GLI2: variants seen among roughly 807,000 people sequenced by gnomAD.
GLI2 encodes the protein GLI family zinc finger 2.
Under a neutral mutation model 78.9 loss-of-function variants are expected in GLI2, and 22 were observed. The observed-to-expected ratio is 0.28, with a 90% CI of 0.20 to 0.40. The LOEUF (loss-of-function observed/expected upper bound fraction) is 0.40. Among genes scored for constraint, GLI2 ranks in the 10% least tolerant of loss-of-function variants. The pLI is 1.00. For synonymous variants in GLI2, 974 were observed against 963.7 expected (o/e 1.01, Z -0.20); for missense variants, 2,097 against 2,213.2 (o/e 0.95, Z 1.05).
intron 7 of GLI2, among the ~76,000 whole-genome samples, chr2:120,970,950 G>A (rs1434370394): frequency 6.6e-6 from 1 of 152,226 alleles, no homozygotes; most frequent in Non-Finnish European, 1.5e-5. Flanking sequence ...TTTCGTTGTA[G>A]AATGTGCATT....
At position 120,991,194 on chromosome 2, in the gene GLI2, C is replaced by A. The variant is rs763178121; in HGVS notation, c.*519C>A. 6.4e-6 allele frequency: 1 copy of A among 156,578 alleles called. No individual in the cohort carries two copies. Among genetic ancestry groups the A allele is most frequent in the African/African-American group, 2.4e-5 (1 of 41,450 alleles). The allele number at this position is 156,578 out of a possible 1,614,324, so 9.7% of individuals were successfully genotyped here. On this transcript the variant is annotated 3_prime_UTR_variant, in exon 14 of 14. Coordinates refer to ENST00000361492, the MANE Select transcript of GLI2 (RefSeq NM_001374353.1). Reference sequence around the variant, plus strand: ...CTAACTCTTGAGGTCTCTAACATACCTTGTCATAGAGGAAAAGCACAGATT... The same window carrying A: ...CTAACTCTTGAGGTCTCTAACATACATTGTCATAGAGGAAAAGCACAGATT...
In GLI2 at chr2:120,990,291, C is replaced by A. The variant is rs1297580908; in HGVS notation, c.4326C>A (p.Gly1442=). The A allele has an allele frequency of 6.2e-7, 1 of 1,613,724 alleles. No individual in the cohort carries two copies. Among genetic ancestry groups the A allele is most frequent in the Non-Finnish European group, 8.5e-7 (1 of 1,180,030 alleles). ...GQIHMYEQDG[G]LENLGSCQVM... The stretch of plus-strand genomic sequence containing the variant: ...TCCACATGTACGAACAGGATGGAGG[C>A]CTGGAGAACCTCGGGAGCTGCCAGG... Residue 1442 remains glycine, a synonymous_variant, in exon 14 of 14, where the codon GGC becomes GGA. Transcript: ENST00000361492.
At chr2:120,765,986 C>T (rs554486508) in intron 1 of GLI2, among the ~76,000 whole-genome samples, 8 of 152,296 alleles carry the variant, frequency 5.3e-5, no homozygotes, top group East Asian at 1.9e-4. Flanking sequence ...ACAGTGATAA[C>T]GCCTGTTTTC....
chr2:120,956,266 G>C (rs1194747048), intron 5 of GLI2, among the ~76,000 whole-genome samples: 1 of 152,094 alleles, frequency 6.6e-6, no homozygotes. Context: ...TCAGGGTCTC[G>C]GGCCTGAGCA....
Position 120,863,083 on chromosome 2 carries a change from C to T in GLI2, c.149-64278C>T, listed in dbSNP as rs550484064. 7.2e-5 allele frequency among the ~76,000 whole-genome samples: 11 copies of T among 152,346 alleles called. No homozygotes were observed. In the South Asian group the frequency reaches 1.9e-3, roughly 26 times the overall value. On this transcript the variant is annotated intron_variant, in intron 2 of 13. Coordinates refer to ENST00000361492, the MANE Select transcript of GLI2 (RefSeq NM_001374353.1). The stretch of plus-strand genomic sequence containing the variant: ...CCAGAGCGCCTGGAAGGGGCTATTG[C>T]TGTGGTTGAGCCATTGGAGGACTTG...
Position 120,990,229 on chromosome 2 carries a change from G to A in GLI2, c.4264G>A (p.Ala1422Thr), listed in dbSNP as rs560714886. Residue 1422 changes from alanine (A) to threonine (T), a missense_variant, in exon 14 of 14, where the codon GCC becomes ACC. Transcript: ENST00000361492. ...GCCGCCTCCGCAGGACGCAGGTGGG[G>A]CCCCGGACCACAGCATGCTCTACTA... ...PQPPPQDAGG[A>T]PDHSMLYYYG... The A allele has an allele frequency of 6.2e-7, 1 of 1,613,614 alleles. No individual in the cohort carries two copies. Among genetic ancestry groups the A allele is most frequent in the South Asian group, 1.1e-5 (1 of 91,090 alleles).
In GLI2 at chr2:120,908,455, C is replaced by T. The variant is rs1678653137; in HGVS notation, c.149-18906C>T. ...CTCTTCTGAGCACTGGATCTGCTTC[C>T]CGTGCAGACTCATGCTCTAGAGTCA... On this transcript the variant is annotated intron_variant, in intron 2 of 13. Coordinates refer to ENST00000361492, the MANE Select transcript of GLI2 (RefSeq NM_001374353.1). 2.0e-5 allele frequency among the ~76,000 whole-genome samples: 3 copies of T among 152,330 alleles called. No individual in the cohort carries two copies. In the South Asian group the frequency reaches 6.2e-4, roughly 32 times the overall value.
intron 2 of GLI2, among the ~76,000 whole-genome samples, chr2:120,810,833 G>C (rs1487489734): frequency 1.3e-5 from 2 of 152,210 alleles, no homozygotes; most frequent in Non-Finnish European, 2.9e-5. Flanking sequence ...ACGTCACTGG[G>C]ACATGTCTCT....
At chr2:120,829,180 T>C (rs1432532875) in intron 2 of GLI2, among the ~76,000 whole-genome samples, 1 of 152,128 alleles carries the variant, frequency 6.6e-6, no homozygotes, top group African/African-American at 2.4e-5. Flanking sequence ...CATACACTTA[T>C]ACACACATGC....
chr2:120,828,243 A>G (rs1686183985), intron 2 of GLI2, among the ~76,000 whole-genome samples: 2 of 152,186 alleles, frequency 1.3e-5, no homozygotes, highest in African/African-American at 4.8e-5. Flanking sequence ...CCCCCGGGCC[A>G]GGTGGCTTCT....
intron 2 of GLI2, among the ~76,000 whole-genome samples, chr2:120,837,311 G>A (rs575307995): frequency 2.0e-5 from 3 of 149,976 alleles, no homozygotes; most frequent in South Asian, 4.2e-4. Context: ...GGAGAATGGC[G>A]TGAACCCAGG....
chr2:120,951,025 C>T (rs1422515579), intron 3 of GLI2, among the ~76,000 whole-genome samples: 2 of 152,174 alleles, frequency 1.3e-5, no homozygotes, highest in African/African-American at 4.8e-5. Flanking sequence ...GTGCACGCAC[C>T]AGCGTGGAGC....
rs1412715364 is a variant in GLI2 at position 120,970,626 on chromosome 2, A to G, written c.1059+20A>G. 1.9e-6 allele frequency: 3 copies of G among 1,595,268 alleles called. No homozygotes were observed. Among genetic ancestry groups the G allele is most frequent in the Non-Finnish European group, 2.6e-6 (3 of 1,162,994 alleles). The stretch of plus-strand genomic sequence containing the variant: ...AACCAGGTAGGTGGGTGCAGGGGCC[A>G]GGATGGCCACTGGGTACTCATCTGG... On this transcript the variant is annotated intron_variant, in intron 7 of 13. Transcript: ENST00000361492.
intron 2 of GLI2, among the ~76,000 whole-genome samples, chr2:120,901,156 C>G (rs181816381): frequency 6.6e-6 from 1 of 152,280 alleles, no homozygotes; most frequent in East Asian, 1.9e-4. Context: ...TTTGGCAAAC[C>G]CCTGCCATCC....
At chr2:120,826,120 C>T (rs906728861) in intron 2 of GLI2, among the ~76,000 whole-genome samples, 2 of 144,678 alleles carry the variant, frequency 1.4e-5, no homozygotes, top group Admixed American at 1.4e-4. Flanking sequence ...GCTTCCAACC[C>T]GGCTGGGTGG....
chr2:120,966,370 G>A (rs967517674), intron 5 of GLI2, among the ~76,000 whole-genome samples: 6 of 152,136 alleles, frequency 3.9e-5, no homozygotes, highest in South Asian at 2.1e-4. Context: ...CAGGGTACCC[G>A]GTGTGCAGCC....
chr2:120,950,696 C>T (rs1680937083), intron 3 of GLI2, among the ~76,000 whole-genome samples: 1 of 152,184 alleles, frequency 6.6e-6, no homozygotes, highest in Non-Finnish European at 1.5e-5. Context: ...GAATCCTGAC[C>T]CTGCGGCCGA....
In GLI2 at chr2:120,982,706, C is replaced by T; in HGVS notation, c.1468-10C>T. 3 of 1,608,556 alleles carry T rather than the reference C, an allele frequency of 1.9e-6. No homozygotes were observed. The highest frequency in any genetic ancestry group is 2.6e-6 in the Non-Finnish European group (3 of 1,176,116). On this transcript the variant is annotated splice_polypyrimidine_tract_variant and intron_variant, in intron 10 of 13. Coordinates refer to ENST00000361492, the MANE Select transcript of GLI2 (RefSeq NM_001374353.1). ...GGGGTGCCTTGACTGACTGAACCGCCTCCTTCTAGTTCGAGGGCTGCTCGA... is the reference window on the plus strand; with the variant it reads ...GGGGTGCCTTGACTGACTGAACCGCTTCCTTCTAGTTCGAGGGCTGCTCGA...
At position 120,970,589 on chromosome 2, in the gene GLI2, C is replaced by T; in HGVS notation, c.1042C>T (p.Leu348=). ...PTQLSSSSNC[L]SDTNQNKQSS... is the part of the protein sequence containing the mutation. ...CCAGCTCAGCAGCAGCAGCAACTGT[C>T]TGAGTGACACCAACCAGGTAGGTGG... Residue 348 remains leucine, a synonymous_variant, in exon 7 of 14, where the codon CTG becomes TTG. Coordinates refer to ENST00000361492, the MANE Select transcript of GLI2 (RefSeq NM_001374353.1). The T allele has an allele frequency of 1.2e-6, 2 of 1,614,044 alleles. No homozygotes were observed. The highest frequency in any genetic ancestry group is 1.7e-6 in the Non-Finnish European group (2 of 1,179,888).
Sources: gnomAD v4.1 joint callset for allele counts (sites outside exome capture counted in the v4.1 genomes callset) on GRCh38, gnomAD v4.1.1 for gene constraint, MANE v1.5 for transcripts, NCBI Gene and HGNC (gene_info 2026-07-23, HGNC 2026-07-21) for gene names.